PIK3C2G: variants seen among roughly 807,000 people sequenced by gnomAD.
PIK3C2G encodes the protein phosphatidylinositol-4-phosphate 3-kinase catalytic subunit type 2 gamma.
In PIK3C2G, 168 loss-of-function variants were observed where a neutral mutation model predicts 181.1. The ratio of observed to expected loss-of-function variants is 0.93; its 90% CI spans 0.82 to 1.05. The LOEUF (loss-of-function observed/expected upper bound fraction) is 1.05, where lower values mean the gene tolerates loss of function less well. Among genes scored for constraint, PIK3C2G ranks in the 50% least tolerant of loss-of-function variants. The probability of loss-of-function intolerance (pLI) is 0.00; values close to 1 mark genes in which losing one functional copy is unlikely to be tolerated. For missense variants in PIK3C2G, 1,869 were observed against 1,732.8 expected (o/e 1.08, Z -1.40); for synonymous variants, 573 against 592.2 (o/e 0.97, Z 0.47).
chr12:18,630,566 C>A (rs571357541), intron 31 of PIK3C2G, among the ~76,000 whole-genome samples: 5 of 137,930 alleles, frequency 3.6e-5, no homozygotes, highest in South Asian at 2.1e-4. Flanking sequence ...TGGAGCAAAG[C>A]CCCAAGGGAA....
intron 16 of PIK3C2G, among the ~76,000 whole-genome samples, chr12:18,416,561 C>T (rs1288697996): frequency 6.6e-6 from 1 of 152,084 alleles, no homozygotes; most frequent in Non-Finnish European, 1.5e-5. Flanking sequence ...AAATTGAAGC[C>T]AATGCTCATT....
In PIK3C2G at chr12:18,313,978, A is replaced by G. The variant is rs1319674288; in HGVS notation, c.1051A>G (p.Ser351Gly). The G allele has an allele frequency of 6.3e-7, 1 of 1,583,138 alleles. No homozygotes were observed. The highest frequency in any genetic ancestry group is 8.6e-7 in the Non-Finnish European group (1 of 1,161,286). Residue 351 changes from serine to glycine, a missense_variant, in exon 6 of 33, where the codon AGC becomes GGC. Transcript: ENST00000538779. Reference protein sequence around the residue: ...EFLQNDHCLGSHKMFQKDKSV... With the variant: ...EFLQNDHCLGGHKMFQKDKSV... ...CTCCTTCAGCGACCACTGTTTGGGG[A>G]GCCACAAAATGTTTCAAAAAGATAA...
chr12:18,490,048 C>T (rs1306762201), intron 19 of PIK3C2G, among the ~76,000 whole-genome samples: 2 of 152,132 alleles, frequency 1.3e-5, no homozygotes, highest in South Asian at 2.1e-4. Flanking sequence ...TAATTTCTCA[C>T]AAAAATTTAA....
chr12:18,285,516 AT>A (rs1449962036), intron 2 of PIK3C2G: 1 of 152,060 alleles, frequency 6.6e-6, no homozygotes, highest in Non-Finnish European at 1.5e-5. Context: ...TTATTGTAGG[AT>A]TTATTGTGTA....
chr12:18,377,831 C>A (rs1274314735), intron 13 of PIK3C2G, among the ~76,000 whole-genome samples: 1 of 152,018 alleles, frequency 6.6e-6, no homozygotes, highest in African/African-American at 2.4e-5. Flanking sequence ...ATAAATATTA[C>A]ATATATATAT....
chr12:18,427,928 A>G (rs1945928377), intron 18 of PIK3C2G, among the ~76,000 whole-genome samples: 1 of 152,194 alleles, frequency 6.6e-6, no homozygotes, highest in African/African-American at 2.4e-5. Flanking sequence ...AACAGGAAGG[A>G]GTTTTCTTTA....
At chr12:18,695,058 G>A in the PIK3C2G span, 1 of 1,612,986 alleles carries the variant, frequency 6.2e-7, no homozygotes, top group Admixed American at 1.7e-5. Context: ...GGGCAGACCA[G>A]GGGTCTGGAA....
intron 18 of PIK3C2G, among the ~76,000 whole-genome samples, chr12:18,487,082 T>C (rs1320082848): frequency 6.8e-6 from 1 of 147,908 alleles, no homozygotes; most frequent in Non-Finnish European, 1.5e-5. Flanking sequence ...ACATCTTTAG[T>C]CCCTTGAGGT....
At chr12:18,693,847 T>A in the PIK3C2G span, 208,030 of 1,515,098 alleles carry the variant, frequency 0.14, 16,133 homozygotes, top group African/African-American at 0.21. Context: ...CCCTGCCTGA[T>A]GAAAAGACGA....
intron 1 of PIK3C2G, among the ~76,000 whole-genome samples, chr12:18,274,971 G>A (rs1232325771): frequency 6.6e-6 from 1 of 151,996 alleles, no homozygotes; most frequent in Admixed American, 6.6e-5. Context: ...TCACCAACAG[G>A]CTTTGTGTTG....
chr12:18,560,595 G>T (rs954131277), intron 26 of PIK3C2G, among the ~76,000 whole-genome samples: 8 of 151,394 alleles, frequency 5.3e-5, no homozygotes, highest in Non-Finnish European at 1.5e-5. Context: ...AAAACAGAGA[G>T]GACTTTTAAA....
At chr12:18,277,661 A>T (rs1278509684) in intron 1 of PIK3C2G, among the ~76,000 whole-genome samples, 1 of 152,160 alleles carries the variant, frequency 6.6e-6, no homozygotes, top group East Asian at 1.9e-4. Flanking sequence ...TTGGATCAAG[A>T]ACAAACATTC....
intron 27 of PIK3C2G, 36 bp from the exon 28 acceptor site, chr12:18,563,341 G>A: frequency 6.4e-7 from 1 of 1,573,052 alleles, no homozygotes; most frequent in Non-Finnish European, 8.6e-7. Flanking sequence ...GGCTGATATT[G>A]CCATCTTTTG....
chr12:18,437,799 T>G (rs1946527930), intron 18 of PIK3C2G, among the ~76,000 whole-genome samples: 1 of 151,906 alleles, frequency 6.6e-6, no homozygotes. Context: ...GTCTAGATAA[T>G]CAATTACTAG....
At chr12:18,313,343 A>G (rs1247972922) in intron 5 of PIK3C2G, among the ~76,000 whole-genome samples, 2 of 152,206 alleles carry the variant, frequency 1.3e-5, no homozygotes, top group Admixed American at 6.5e-5. Flanking sequence ...TGAAATAGGT[A>G]TAATTCTTTT....
At chr12:18,425,394 T>G (rs1258742240) in intron 18 of PIK3C2G, among the ~76,000 whole-genome samples, 1 of 135,334 alleles carries the variant, frequency 7.4e-6, no homozygotes, top group Non-Finnish European at 1.6e-5. Context: ...TTCTTTTTTT[T>G]TTTTTTTTTT....
At chr12:18,453,191 T>C (rs1008458846) in intron 18 of PIK3C2G, among the ~76,000 whole-genome samples, 8 of 152,138 alleles carry the variant, frequency 5.3e-5, no homozygotes, top group Admixed American at 3.3e-4. Context: ...AGAGTCTAAG[T>C]CTCTTTGTAG....
chr12:18,502,894 GGCTCCCT>G (rs1941590438), intron 22 of PIK3C2G, among the ~76,000 whole-genome samples: 1 of 152,044 alleles, frequency 6.6e-6, no homozygotes, highest in South Asian at 2.1e-4. Context: ...GAGTGTATTT[GGCTCCCT>G]TAAATTGTAA....
rs181943607 is a variant in PIK3C2G at position 18,587,198 on chromosome 12, C to T, written c.4012-7296C>T. On this transcript the variant is annotated intron_variant, in intron 29 of 32. Coordinates refer to ENST00000538779, the MANE Select transcript of PIK3C2G (RefSeq NM_001288772.2). ...TCCTATTCAACATAGTATTGGAAGT[C>T]GTGGCCAGAGCAATAAGGCGAGAGA... 4.3e-4 allele frequency among the ~76,000 whole-genome samples: 66 copies of T among 152,068 alleles called. No homozygotes were observed. The East Asian group carries it at 9.7e-3, about 22-fold the overall frequency.
Sources: gnomAD v4.1 joint callset for allele counts (sites outside exome capture counted in the v4.1 genomes callset) on GRCh38, gnomAD v4.1.1 for gene constraint, MANE v1.5 for transcripts, NCBI Gene and HGNC (gene_info 2026-07-23, HGNC 2026-07-21) for gene names.